COL5A1: variants seen among roughly 807,000 people sequenced by gnomAD.
The protein encoded by COL5A1 is collagen type V alpha 1 chain, also known as collagen alpha-1(V) chain.
COL5A1 carries 16 observed loss-of-function variants against 263.7 expected under a neutral mutation model. That is an observed-to-expected ratio of 0.06 (90% confidence interval 0.04 to 0.09). The LOEUF (loss-of-function observed/expected upper bound fraction) is 0.09. COL5A1 is among the 10% of genes least tolerant of loss of function. The pLI is 1.00. For synonymous variants in COL5A1, 1,012 were observed against 1,004.5 expected (o/e 1.01, Z -0.14); for missense variants, 2,036 against 2,540.5 (o/e 0.80, Z 4.27).
intron 38 of COL5A1, among the ~76,000 whole-genome samples, chr9:134,802,646 C>T (rs539148648): frequency 2.0e-5 from 3 of 152,298 alleles, no homozygotes; most frequent in Admixed American, 1.3e-4. Flanking sequence ...CTCCTGAAGG[C>T]GCCAGGTGGG....
At chr9:134,653,125 T>C (rs538487643) in intron 1 of COL5A1, 18 of 168,116 alleles carry the variant, frequency 1.1e-4, no homozygotes, top group Non-Finnish European at 2.2e-4. Context: ...GCTTTCTTTA[T>C]GGTGGTCCCC....
chr9:134,735,054 T>C (rs867142932), intron 9 of COL5A1, among the ~76,000 whole-genome samples: 36 of 152,018 alleles, frequency 2.4e-4, no homozygotes, highest in African/African-American at 8.4e-4. Context: ...TTACTAAAAC[T>C]ACAAAAAAAT....
intron 4 of COL5A1, among the ~76,000 whole-genome samples, chr9:134,718,354 C>T (rs1004754784): frequency 1.1e-4 from 16 of 152,190 alleles, no homozygotes; most frequent in African/African-American, 3.9e-4. Flanking sequence ...ACTTTAATGA[C>T]CTGGCAGGGG....
intron 13 of COL5A1, among the ~76,000 whole-genome samples, chr9:134,751,654 C>T (rs1459293435): frequency 6.7e-6 from 1 of 149,234 alleles, no homozygotes; most frequent in African/African-American, 2.5e-5. Context: ...GTAAACACTG[C>T]CCCGTGGGGC....
Position 134,786,035 on chromosome 9 carries a change from G to C in COL5A1, c.2633G>C (p.Arg878Thr), listed in dbSNP as rs1178409854. 25 of 1,613,138 alleles carry C rather than the reference G, an allele frequency of 1.5e-5. No individual in the cohort carries two copies. The highest frequency in any genetic ancestry group is 2.1e-5 in the Non-Finnish European group (25 of 1,179,706). ...GVPGLPGYPG[R>T]QGPKGSIGFP... ...CCAGGGTTACCAGGGTATCCAGGAA[G>C]ACAAGGACCAAAGGTAACTTCTGGC... The change falls in exon 31 of 66, where the codon AGA becomes ACA. Residue 878 changes from arginine to threonine, a missense_variant. Transcript: ENST00000371817.
chr9:134,758,175 G>T lies in COL5A1; in HGVS notation c.1882-68G>T. On this transcript the variant is annotated intron_variant, in intron 17 of 65. Coordinates refer to ENST00000371817, the MANE Select transcript of COL5A1 (RefSeq NM_000093.5). This position sits in a 1 kb window ranked among gnomAD's most constrained non-coding sequence, Gnocchi z 4.1. ...CAAGGCGGGGCGGCCATCACTTGGT[G>T]GACACCAAGGCGGGGTGTCCACGTG... The T allele has an allele frequency of 6.4e-7, 1 of 1,550,810 alleles. No individual in the cohort carries two copies. The highest frequency in any genetic ancestry group is 8.9e-7 in the Non-Finnish European group (1 of 1,123,592).
intron 2 of COL5A1, among the ~76,000 whole-genome samples, chr9:134,698,650 G>A (rs982812159): frequency 6.6e-6 from 1 of 152,242 alleles, no homozygotes; most frequent in Admixed American, 6.5e-5. Flanking sequence ...GAGTGACCAG[G>A]GGCAGAGGTG....
At chr9:134,800,442 T>C (rs943149109) in intron 37 of COL5A1, among the ~76,000 whole-genome samples, 1 of 151,864 alleles carries the variant, frequency 6.6e-6, no homozygotes, top group African/African-American at 2.4e-5. Context: ...CCTCCTAGAG[T>C]TTGCAAAGAA....
intron 4 of COL5A1, among the ~76,000 whole-genome samples, chr9:134,713,998 C>T (rs1201439587): frequency 2.0e-5 from 3 of 152,210 alleles, no homozygotes; most frequent in African/African-American, 7.2e-5. Flanking sequence ...TTCTCCGTGA[C>T]GCTCTCCTTG....
At chr9:134,810,721 C>G (rs1388490675) in intron 44 of COL5A1, among the ~76,000 whole-genome samples, 5 of 152,178 alleles carry the variant, frequency 3.3e-5, no homozygotes, top group Non-Finnish European at 7.3e-5. Context: ...TGGGTTCTTG[C>G]AAAAACCCCA....
chr9:134,719,515 T>C (rs1331301368), intron 4 of COL5A1, among the ~76,000 whole-genome samples: 1 of 152,108 alleles, frequency 6.6e-6, no homozygotes, highest in African/African-American at 2.4e-5. Flanking sequence ...GGCCTACAAG[T>C]GTGGGGTTGC....
chr9:134,838,955 C>T (rs1033493827), intron 65 of COL5A1, among the ~76,000 whole-genome samples: 1 of 152,212 alleles, frequency 6.6e-6, no homozygotes, highest in Non-Finnish European at 1.5e-5. Context: ...CTGCTGACCC[C>T]AGTCCCTGAC....
At chr9:134,801,820 C>A (rs1838125273) in intron 37 of COL5A1, 134 bp from the exon 38 acceptor site, 2 of 795,622 alleles carry the variant, frequency 2.5e-6, no homozygotes, top group Non-Finnish European at 4.4e-6. Context: ...GAGACATGGG[C>A]CTCTTACACA....
In COL5A1 at chr9:134,749,244, C is replaced by CA. The variant is rs559744305; in HGVS notation, c.1495-1290dup. 6.1e-3 allele frequency among the ~76,000 whole-genome samples: 926 copies of CA among 151,748 alleles called. 5 individuals carry two copies. The highest frequency in any genetic ancestry group is 9.9e-3 in the Non-Finnish European group (675 of 67,896). Reference sequence around the variant, plus strand: ...AGTGAGACTCTGTCTCAAAACAAAACAAAAAAAACAAAACTCCGAAGCCAC... The same window carrying CA: ...AGTGAGACTCTGTCTCAAAACAAAACAAAAAAAAACAAAACTCCGAAGCCAC... On this transcript the variant is annotated intron_variant, in intron 11 of 65. Coordinates refer to ENST00000371817, the MANE Select transcript of COL5A1 (RefSeq NM_000093.5).
intron 4 of COL5A1, among the ~76,000 whole-genome samples, chr9:134,710,697 C>T (rs1834005256): frequency 9.1e-6 from 1 of 109,994 alleles, no homozygotes; most frequent in Non-Finnish European, 1.8e-5. Flanking sequence ...GAAGGGGCCC[C>T]ATTTAGTGCA....
Position 134,820,108 on chromosome 9 carries a change from T to A in COL5A1, c.4447-8T>A, listed in dbSNP as rs767542465. 2 of 1,612,216 alleles carry A rather than the reference T, an allele frequency of 1.2e-6. No individual in the cohort carries two copies. The highest frequency in any genetic ancestry group is 2.2e-5 in the South Asian group (2 of 91,060). On this transcript the variant is annotated splice_polypyrimidine_tract_variant and splice_region_variant and intron_variant, in intron 57 of 65. Coordinates refer to ENST00000371817, the MANE Select transcript of COL5A1 (RefSeq NM_000093.5). Reference sequence around the variant, plus strand: ...CAAATGCCCCTTCCTGTCTTCATTTTCCCACAGGGTCATCCAGGCCTGATC... The same window carrying A: ...CAAATGCCCCTTCCTGTCTTCATTTACCCACAGGGTCATCCAGGCCTGATC...
At position 134,738,487 on chromosome 9, in the gene COL5A1, A is replaced by C; in HGVS notation, c.1403A>C (p.Glu468Ala). 6.2e-7 allele frequency: 1 copy of C among 1,613,982 alleles called. No homozygotes were observed. The highest frequency in any genetic ancestry group is 8.5e-7 in the Non-Finnish European group (1 of 1,180,020). The change falls in exon 10 of 66, where the codon GAG becomes GCG. Residue 468 changes from glutamate to alanine, a missense_variant. Around this residue, in one of 3 missense-constraint regions of COL5A1, gnomAD observed 600 missense variants for 634.5 expected, o/e 0.95. Coordinates refer to ENST00000371817, the MANE Select transcript of COL5A1 (RefSeq NM_000093.5). ...PAIIEPGMLI[E>A]GPPGPEGPAG... Reference sequence around the variant, plus strand: ...CTGTCTCCCCAGGGCATGCTCATCGAGGGCCCGCCTGGCCCAGAAGGCCCC... The same window carrying C: ...CTGTCTCCCCAGGGCATGCTCATCGCGGGCCCGCCTGGCCCAGAAGGCCCC...
At chr9:134,830,390 A>G (rs1839560952) in intron 64 of COL5A1, 1 of 610,742 alleles carries the variant, frequency 1.6e-6, no homozygotes, top group Non-Finnish European at 2.9e-6. Context: ...GAGTAGGCAG[A>G]TGGTTTTCCG....
chr9:134,782,697 G>A lies in COL5A1; in HGVS notation c.2461G>A (p.Asp821Asn). The change falls in exon 29 of 66, where the codon GAC (aspartate) becomes AAC (asparagine). Residue 821 changes from aspartate to asparagine, a missense_variant. Around this residue, in one of 3 missense-constraint regions of COL5A1, gnomAD observed 1,078 missense variants for 1,521.4 expected, o/e 0.71. Coordinates refer to ENST00000371817, the MANE Select transcript of COL5A1 (RefSeq NM_000093.5). ...AGACGGCTTTCCTGGGTTTAAAGGA[G>A]ACATGGGCATCAAGGGTGATCGGGT... Reference protein sequence around the residue: ...GEDGFPGFKGDMGIKGDRGEI... With the variant: ...GEDGFPGFKGNMGIKGDRGEI... The A allele has an allele frequency of 6.2e-7, 1 of 1,613,936 alleles. No homozygotes were observed. The highest frequency in any genetic ancestry group is 1.3e-5 in the African/African-American group (1 of 75,014).
Sources: gnomAD v4.1 joint callset for allele counts (sites outside exome capture counted in the v4.1 genomes callset) on GRCh38, gnomAD v4.1.1 for gene constraint, gnomAD v4.1.1 regional missense constraint, Gnocchi (gnomAD v3.1) non-coding constraint, MANE v1.5 for transcripts, NCBI Gene and HGNC (gene_info 2026-07-23, HGNC 2026-07-21) for gene names.